Variants in ADCY1 observed in about 807,000 individuals in gnomAD.
The protein encoded by ADCY1 is adenylate cyclase 1, also known as adenylate cyclase type 1.
A neutral mutation model predicts 105.4 loss-of-function variants in ADCY1; 28 were observed. The ratio of observed to expected loss-of-function variants is 0.27; its 90% CI spans 0.20 to 0.36. The LOEUF (loss-of-function observed/expected upper bound fraction) is 0.36, where lower values mean the gene tolerates loss of function less well. Among genes scored for constraint, ADCY1 ranks in the 10% least tolerant of loss-of-function variants. The pLI is 1.00. For synonymous variants in ADCY1, 655 were observed against 623.8 expected (o/e 1.05, Z -0.75); for missense variants, 977 against 1,434.2 (o/e 0.68, Z 5.15).
In ADCY1 at chr7:45,660,085, G is replaced by C. The variant is rs753960227; in HGVS notation, c.1351G>C (p.Asp451His). Residue 451 changes from aspartate to histidine, a missense_variant, in exon 7 of 20, where the codon GAC (aspartate) becomes CAC (histidine). Coordinates refer to ENST00000297323, the MANE Select transcript of ADCY1 (RefSeq NM_021116.4). ...TKTTLACLNGDYEVEPGYGHE... is the reference protein window; with the variant it reads ...TKTTLACLNGHYEVEPGYGHE... ...GACGACCCTAGCGTGCTTGAATGGG[G>C]ACTACGAGGTAGAACCGGGTTACGG... The C allele has an allele frequency of 1.9e-6, 3 of 1,614,210 alleles. No individual in the cohort carries two copies. In the Admixed American group the frequency reaches 5.0e-5, roughly 27 times the overall value.
intron 1 of ADCY1, among the ~76,000 whole-genome samples, chr7:45,580,515 T>C (rs555483733): frequency 5.3e-5 from 8 of 152,290 alleles, no homozygotes; most frequent in Admixed American, 5.2e-4. Flanking sequence ...CTGCAGTCTA[T>C]TGGGGAGACC....
intron 8 of ADCY1, among the ~76,000 whole-genome samples, chr7:45,668,661 G>T (rs1304650223): frequency 2.0e-5 from 3 of 152,188 alleles, no homozygotes; most frequent in Admixed American, 2.0e-4. Flanking sequence ...AGTTAGGGAG[G>T]ATTCTCTCTT....
rs1256944919 is a variant in ADCY1, at chr7:45,718,511, C to T, written c.*4516C>T. On this transcript the variant is annotated 3_prime_UTR_variant, in exon 20 of 20. Transcript: ENST00000297323. ...CCTTCAAATTGAGCTTGGGGGTGTCCAAGAGAGGGGTCTTATTCGAGGAAC... is the reference window on the plus strand; with the variant it reads ...CCTTCAAATTGAGCTTGGGGGTGTCTAAGAGAGGGGTCTTATTCGAGGAAC... 1 of 152,118 alleles carries T rather than the reference C, an allele frequency of 6.6e-6. No individual in the cohort carries two copies. The highest frequency in any genetic ancestry group is 2.4e-5 in the African/African-American group (1 of 41,374). The allele number at this position is 152,118 out of a possible 1,614,324, so 9.4% of individuals were successfully genotyped here.
At chr7:45,593,938 T>C (rs552712775) in intron 2 of ADCY1, among the ~76,000 whole-genome samples, 1 of 152,358 alleles carries the variant, frequency 6.6e-6, no homozygotes, top group Non-Finnish European at 1.5e-5. Flanking sequence ...GTGGATGTTA[T>C]GTGGGCAGTG....
chr7:45,621,832 G>A (rs529008463), intron 3 of ADCY1, among the ~76,000 whole-genome samples: 1 of 152,200 alleles, frequency 6.6e-6, no homozygotes, highest in African/African-American at 2.4e-5. Context: ...TAAATGATTG[G>A]GACCCTGTGG....
chr7:45,703,825 A>G lies in ADCY1; in HGVS notation c.2718+79A>G, dbSNP rs1297010033. 5 of 1,486,134 alleles carry G rather than the reference A, an allele frequency of 3.4e-6. No individual in the cohort carries two copies. In the Admixed American group the frequency reaches 9.0e-5, roughly 27 times the overall value. The allele number at this position is 1,486,134 out of a possible 1,614,324, so 92.1% of individuals were successfully genotyped here. ...TTGCGTGGGCAGAGCGTGTCTCACAATATGTCACATTCTTCGTAGCTGGAA... is the reference window on the plus strand; with the variant it reads ...TTGCGTGGGCAGAGCGTGTCTCACAGTATGTCACATTCTTCGTAGCTGGAA... On this transcript the variant is annotated intron_variant, in intron 16 of 19. Transcript: ENST00000297323. The surrounding 1 kb of genome is among the most constrained non-coding windows in gnomAD (Gnocchi z 5.9).
chr7:45,607,721 T>C (rs1483230690), intron 2 of ADCY1, among the ~76,000 whole-genome samples: 1 of 152,188 alleles, frequency 6.6e-6, no homozygotes, highest in Non-Finnish European at 1.5e-5. Context: ...TCTGTTTCTG[T>C]GTTACTTCAG....
rs745894874 is a variant in ADCY1 at position 45,713,802 on chromosome 7, G to C, written c.3167G>C (p.Gly1056Ala). The C allele has an allele frequency of 1.4e-5, 11 of 780,980 alleles. No individual in the cohort carries two copies. The highest frequency in any genetic ancestry group is 1.3e-4 in the South Asian group (10 of 74,632). The allele number at this position is 780,980 out of a possible 1,614,324, so 48.4% of individuals were successfully genotyped here. The stretch of plus-strand genomic sequence containing the variant: ...GAGATGTTGACATACTTTCTAGAAG[G>C]CAGGACTGATGGAAACGGCTCCCAA... The part of the protein sequence containing the change: ...KGEMLTYFLE[G>A]RTDGNGSQIR... The change falls in exon 20 of 20, where the codon GGC (glycine) becomes GCC (alanine). Residue 1056 changes from glycine to alanine, a missense_variant. This residue lies in a region of ADCY1 where 78 missense variants were observed against 60.0 expected (regional missense o/e 1.30). Coordinates refer to ENST00000297323, the MANE Select transcript of ADCY1 (RefSeq NM_021116.4).
At chr7:45,592,378 A>G (rs1792946655) in intron 1 of ADCY1, among the ~76,000 whole-genome samples, 1 of 152,088 alleles carries the variant, frequency 6.6e-6, no homozygotes, top group South Asian at 2.1e-4. Context: ...CCCTTCTTAT[A>G]AGGACACCAG....
intron 6 of ADCY1, 76 bp downstream of exon 6, chr7:45,657,961 G>C (rs1794987293): frequency 1.2e-5 from 18 of 1,489,570 alleles, no homozygotes; most frequent in Non-Finnish European, 1.6e-5. Flanking sequence ...CCTTGCTTCA[G>C]GTTCTGGGCT....
At position 45,710,009 on chromosome 7, in the gene ADCY1, C is replaced by T. The variant is rs1785193668; in HGVS notation, c.2933-519C>T. On this transcript the variant is annotated intron_variant, in intron 18 of 19. Transcript: ENST00000297323. This position sits in a 1 kb window ranked among gnomAD's most constrained non-coding sequence, Gnocchi z 4.7. ...GAGCTACAAAAAGAGAAGATACTCC[C>T]TCTCCTCCCTTCAGAGCATTCTGCA... is the stretch of plus-strand genomic sequence containing the variant. Among the ~76,000 whole-genome samples, 1 of 152,236 alleles carries T rather than the reference C, an allele frequency of 6.6e-6. No homozygotes were observed. Among genetic ancestry groups the T allele is most frequent in the Non-Finnish European group, 1.5e-5 (1 of 68,040 alleles).
At position 45,711,605 on chromosome 7, in the gene ADCY1, C is replaced by CTG. The variant is rs1424849591; in HGVS notation, c.3057+955_3057+956dup. Reference sequence around the variant, plus strand: ...CACCATCCACCTCCAGAACTTCGTGCTGTATATATATATATATATATATAT... The same window carrying CTG: ...CACCATCCACCTCCAGAACTTCGTGCTGTGTATATATATATATATATATATAT... On this transcript the variant is annotated intron_variant, in intron 19 of 19. Coordinates refer to ENST00000297323, the MANE Select transcript of ADCY1 (RefSeq NM_021116.4). Among the ~76,000 whole-genome samples, 4 of 63,188 alleles carry CTG rather than the reference C, an allele frequency of 6.3e-5. No individual in the cohort carries two copies. The South Asian group carries it at 1.6e-3, about 26-fold the overall frequency. The allele number at this position is 63,188 out of a possible 152,430, so 41.5% of individuals were successfully genotyped here.
chr7:45,664,729 T>C, intron 8 of ADCY1: 1 of 201,902 alleles, frequency 5.0e-6, no homozygotes, highest in Non-Finnish European at 1.0e-5. Context: ...CATAAACATT[T>C]CCTTCCATTA....
Position 45,710,583 on chromosome 7 carries a change from C to T in ADCY1, c.2988C>T (p.Tyr996=), listed in dbSNP as rs199564979. The part of the protein sequence containing the change: ...AGVIGARRPQ[Y]DIWGNTVNVA... ...TGATTGGCGCTCGCAGGCCCCAGTA[C>T]GACATCTGGGGAAACACAGTCAACG... The change falls in exon 19 of 20, where the codon TAC becomes TAT. Residue 996 remains tyrosine (Y), a synonymous_variant. Coordinates refer to ENST00000297323, the MANE Select transcript of ADCY1 (RefSeq NM_021116.4). The surrounding 1 kb of genome is among the most constrained non-coding windows in gnomAD (Gnocchi z 4.7). The T allele has an allele frequency of 1.0e-4, 167 of 1,614,014 alleles. No individual in the cohort carries two copies. The highest frequency in any genetic ancestry group is 1.2e-4 in the Non-Finnish European group (139 of 1,179,998).
Position 45,704,595 on chromosome 7 carries a change from A to G in ADCY1, c.2796A>G (p.Leu932=). The change falls in exon 17 of 20, where the codon CTA becomes CTG. Residue 932 remains leucine (L), a synonymous_variant. Coordinates refer to ENST00000297323, the MANE Select transcript of ADCY1 (RefSeq NM_021116.4). The part of the protein sequence containing the change: ...IGSTYMAAVG[L]APTSGTKAKK... The stretch of plus-strand genomic sequence containing the variant: ...GCACCTACATGGCCGCTGTGGGGCT[A>G]GCGCCCACCTCGGGGACCAAGGTGA... 1 of 1,614,142 alleles carries G rather than the reference A, an allele frequency of 6.2e-7. No individual in the cohort carries two copies. Among genetic ancestry groups the G allele is most frequent in the Non-Finnish European group, 8.5e-7 (1 of 1,179,992 alleles).
rs1785505738 is a variant in ADCY1, at chr7:45,723,014, G to A, written c.*9019G>A. The A allele has an allele frequency of 6.6e-6, 1 of 152,568 alleles. No homozygotes were observed. The highest frequency in any genetic ancestry group is 2.1e-4 in the South Asian group (1 of 4,826). The allele number at this position is 152,568 out of a possible 1,614,324, so 9.5% of individuals were successfully genotyped here. On this transcript the variant is annotated 3_prime_UTR_variant, in exon 20 of 20. Coordinates refer to ENST00000297323, the MANE Select transcript of ADCY1 (RefSeq NM_021116.4). The stretch of plus-strand genomic sequence containing the variant: ...AAGTGAATGGACTGAAATGTTAAAT[G>A]TGAATGTACATTTCTTAATTGCAAC...
At chr7:45,678,372 C>A in intron 10 of ADCY1, 109 bp downstream of exon 10, 1 of 1,020,470 alleles carries the variant, frequency 9.8e-7, no homozygotes, top group Non-Finnish European at 1.5e-6. Flanking sequence ...TATGCTCAAG[C>A]TTCGTCTCCC....
At chr7:45,692,609 T>C (rs576146272) in intron 14 of ADCY1, among the ~76,000 whole-genome samples, 9 of 152,212 alleles carry the variant, frequency 5.9e-5, no homozygotes, top group Non-Finnish European at 8.8e-5. Context: ...GTTTTTATTG[T>C]TATTTTAAAA....
At chr7:45,618,845 A>C (rs1344561948) in intron 3 of ADCY1, among the ~76,000 whole-genome samples, 1 of 152,236 alleles carries the variant, frequency 6.6e-6, no homozygotes, top group Non-Finnish European at 1.5e-5. Flanking sequence ...CATATGATCC[A>C]GCAATCCCAG....
Sources: allele counts gnomAD v4.1 joint callset (sites outside exome capture counted in the v4.1 genomes callset), GRCh38; gene constraint gnomAD v4.1.1; regional missense constraint gnomAD v4.1.1; non-coding constraint Gnocchi (gnomAD v3.1); transcripts MANE v1.5; gene names NCBI Gene and HGNC (gene_info 2026-07-23, HGNC 2026-07-21).